The following PDE7B variants were observed in gnomAD, a reference collection of about 807,000 sequenced individuals.
PDE7B encodes the protein 3',5'-cyclic-AMP phosphodiesterase 7B.
PDE7B carries 29 observed loss-of-function variants against 56.2 expected under a neutral mutation model. The ratio of observed to expected loss-of-function variants is 0.52; its 90% confidence interval spans 0.38 to 0.70. The LOEUF (loss-of-function observed/expected upper bound fraction) is 0.70. Among genes scored for constraint, PDE7B ranks in the 30% least tolerant of loss-of-function variants. The probability of loss-of-function intolerance (pLI) is 0.00; values close to 1 mark genes in which losing one functional copy is unlikely to be tolerated. For missense variants in PDE7B, 490 were observed against 565.0 expected, an observed-to-expected ratio of 0.87 and a Z score of 1.35; for synonymous variants, 197 against 196.9, an observed-to-expected ratio of 1.00 and a Z score of 0.00.
chr6:136,139,473 G>A (rs1243680691), intron 3 of PDE7B, among the ~76,000 whole-genome samples: 4 of 152,116 alleles, frequency 2.6e-5, no homozygotes, highest in Non-Finnish European at 5.9e-5. Flanking sequence ...ATAATCCTTT[G>A]GGTATATACC....
intron 6 of PDE7B, 60 bp downstream of exon 6, chr6:136,151,315 C>A: frequency 1.2e-6 from 1 of 832,480 alleles, no homozygotes; most frequent in South Asian, 1.4e-5. Context: ...ATGCATAATA[C>A]TCTTTAATAT....
chr6:136,115,764 C>T (rs1777820641), intron 3 of PDE7B, among the ~76,000 whole-genome samples: 1 of 152,178 alleles, frequency 6.6e-6, no homozygotes, highest in African/African-American at 2.4e-5. Flanking sequence ...GCCATGAAAC[C>T]CAGGTGCTCT....
At chr6:135,872,925 CA>C (rs1236708778) in intron 1 of PDE7B, among the ~76,000 whole-genome samples, 2 of 152,060 alleles carry the variant, frequency 1.3e-5, no homozygotes, top group Non-Finnish European at 2.9e-5. Context: ...TCTCCACATC[CA>C]AATCTTTCTC....
chr6:135,928,481 ATT>A (rs1160382121), intron 1 of PDE7B, among the ~76,000 whole-genome samples: 1,146 of 93,108 alleles, frequency 0.012, 31 homozygotes, highest in African/African-American at 0.038. Context: ...ATATATATAT[ATT>A]TATTTATATA....
At chr6:135,890,742 A>T (rs912698627) in intron 1 of PDE7B, among the ~76,000 whole-genome samples, 2 of 152,180 alleles carry the variant, frequency 1.3e-5, no homozygotes, top group Non-Finnish European at 2.9e-5. Flanking sequence ...GAAAGCAAAA[A>T]GATACTCTTC....
chr6:136,177,594 G>T (rs1390246742), intron 9 of PDE7B, among the ~76,000 whole-genome samples: 3 of 152,186 alleles, frequency 2.0e-5, no homozygotes, highest in Non-Finnish European at 2.9e-5. Flanking sequence ...ACAGTGAGTT[G>T]CATGACATGC....
At chr6:135,916,877 T>C (rs1324125672) in intron 1 of PDE7B, among the ~76,000 whole-genome samples, 3 of 151,894 alleles carry the variant, frequency 2.0e-5, no homozygotes, top group African/African-American at 7.2e-5. Flanking sequence ...ATTTTTAATA[T>C]AATTTATAAT....
chr6:136,113,267 T>C (rs756231030), intron 3 of PDE7B, among the ~76,000 whole-genome samples: 2 of 152,222 alleles, frequency 1.3e-5, no homozygotes, highest in Admixed American at 6.5e-5. Context: ...ATATGTTGTA[T>C]ACCATAAATA....
intron 1 of PDE7B, among the ~76,000 whole-genome samples, chr6:135,902,866 A>G (rs980145598): frequency 6.6e-6 from 1 of 152,162 alleles, no homozygotes; most frequent in Admixed American, 6.6e-5. Flanking sequence ...TCCTGGCTCA[A>G]TTATCACAGC....
intron 1 of PDE7B, among the ~76,000 whole-genome samples, chr6:135,926,414 G>A (rs1774191200): frequency 6.6e-6 from 1 of 151,990 alleles, no homozygotes; most frequent in Admixed American, 6.6e-5. Context: ...TGAAAGGCTT[G>A]AGGAAGAGTG....
At chr6:135,993,607 T>C (rs942427993) in intron 2 of PDE7B, among the ~76,000 whole-genome samples, 6 of 152,216 alleles carry the variant, frequency 3.9e-5, no homozygotes, top group African/African-American at 1.4e-4. Context: ...ACCATTTCTA[T>C]GAGGAGGCCT....
At chr6:136,069,801 A>C (rs1057412894) in intron 2 of PDE7B, among the ~76,000 whole-genome samples, 3 of 152,190 alleles carry the variant, frequency 2.0e-5, no homozygotes, top group African/African-American at 7.2e-5. Flanking sequence ...AAAATATCAC[A>C]AAAATTAATG....
intron 1 of PDE7B, among the ~76,000 whole-genome samples, chr6:135,917,277 A>AT (rs895751640): frequency 1.3e-5 from 2 of 151,608 alleles, no homozygotes; most frequent in Non-Finnish European, 2.9e-5. Flanking sequence ...GTCTGCAGGG[A>AT]TTTTTTTCAA....
chr6:136,140,319 C>T (rs1778297855), intron 3 of PDE7B, among the ~76,000 whole-genome samples: 1 of 152,082 alleles, frequency 6.6e-6, no homozygotes, highest in South Asian at 2.1e-4. Context: ...TGTTCTGTTC[C>T]ATTGGTCTGT....
chr6:136,098,217 A>C (rs1435626427), intron 2 of PDE7B: 1 of 151,368 alleles, frequency 6.6e-6, no homozygotes, highest in Non-Finnish European at 1.5e-5. Context: ...GAGAGGAAGA[A>C]GGCAAAGAAA....
chr6:136,151,405 C>T, intron 6 of PDE7B, 150 bp downstream of exon 6: 1 of 550,032 alleles, frequency 1.8e-6, no homozygotes, highest in Non-Finnish European at 3.2e-6. Context: ...TAAAATATGG[C>T]TTGTTCATCC....
rs567158900 is a variant in PDE7B at position 136,176,543 on chromosome 6, AT to A, written c.804-2447del. Among the ~76,000 whole-genome samples the A allele has an allele frequency of 2.6e-3, 392 of 152,094 alleles. 1 individual carries two copies. Among genetic ancestry groups the A allele is most frequent in the African/African-American group, 9.2e-3 (380 of 41,518 alleles). On this transcript the variant is annotated intron_variant, in intron 9 of 12. Coordinates refer to ENST00000308191, the MANE Select transcript of PDE7B (RefSeq NM_018945.4). ...TTAACTAATCTCATAAATTTTTGTGATTTTTTTCCCCCACGGAATGCTTCAT... is the reference window on the plus strand; with the variant it reads ...TTAACTAATCTCATAAATTTTTGTGATTTTTTCCCCCACGGAATGCTTCAT...
intron 2 of PDE7B, among the ~76,000 whole-genome samples, chr6:136,014,981 C>T (rs905104942): frequency 2.0e-5 from 3 of 152,184 alleles, no homozygotes; most frequent in African/African-American, 4.8e-5. Context: ...TGAAAAATTA[C>T]GTTGAATATC....
intron 2 of PDE7B, among the ~76,000 whole-genome samples, chr6:136,087,151 T>C (rs368937082): frequency 6.8e-4 from 104 of 152,358 alleles, no homozygotes; most frequent in African/African-American, 2.4e-3. Context: ...TTATAACAAA[T>C]AATTTTATGG....
Sources: allele counts gnomAD v4.1 joint callset (sites outside exome capture counted in the v4.1 genomes callset), GRCh38; gene constraint gnomAD v4.1.1; transcripts MANE v1.5; gene names NCBI Gene and HGNC (gene_info 2026-07-23, HGNC 2026-07-21).